The following PARD3B variants were observed in gnomAD, a reference collection of about 807,000 sequenced individuals.
PARD3B encodes the protein partitioning defective 3 homolog B.
PARD3B carries 103 observed loss-of-function variants against 130.2 expected under a neutral mutation model. That is an observed-to-expected ratio of 0.79 (90% CI 0.67 to 0.93). The LOEUF (loss-of-function observed/expected upper bound fraction) is 0.93. Ranked by LOEUF, PARD3B falls within the 40% of genes least tolerant of loss-of-function variation. The pLI is 0.00. For synonymous variants in PARD3B, 583 were observed against 553.2 expected (o/e 1.05, Z -0.76); for missense variants, 1,609 against 1,499.2 (o/e 1.07, Z -1.21).
intron 2 of PARD3B, among the ~76,000 whole-genome samples, chr2:204,800,849 T>C (rs907470432): frequency 3.9e-5 from 6 of 152,200 alleles, no homozygotes; most frequent in Non-Finnish European, 8.8e-5. Flanking sequence ...TTTTAGGTCT[T>C]ACATTTAAGT....
intron 13 of PARD3B, among the ~76,000 whole-genome samples, chr2:205,182,058 C>T (rs1321695560): frequency 1.3e-5 from 2 of 152,084 alleles, no homozygotes; most frequent in African/African-American, 4.8e-5. Flanking sequence ...TTTGGGAGGC[C>T]AAGGCAGGCA....
At chr2:204,755,780 A>G (rs968718687) in intron 2 of PARD3B, among the ~76,000 whole-genome samples, 1 of 152,128 alleles carries the variant, frequency 6.6e-6, no homozygotes, top group Non-Finnish European at 1.5e-5. Context: ...AGCTCTTACC[A>G]TCATAGAACA....
intron 18 of PARD3B, among the ~76,000 whole-genome samples, chr2:205,330,704 C>T (rs1023641702): frequency 6.6e-6 from 1 of 152,102 alleles, no homozygotes; most frequent in Non-Finnish European, 1.5e-5. Context: ...TTAAAATGAG[C>T]CTATGTGACC....
At chr2:205,247,749 G>GT (rs1310142656) in intron 16 of PARD3B, among the ~76,000 whole-genome samples, 2 of 152,194 alleles carry the variant, frequency 1.3e-5, no homozygotes, top group Non-Finnish European at 2.9e-5. Context: ...GGCCTGCAAT[G>GT]AAGAGGGCTA....
intron 15 of PARD3B, among the ~76,000 whole-genome samples, chr2:205,221,064 T>G (rs909927642): frequency 3.3e-5 from 5 of 152,140 alleles, no homozygotes; most frequent in South Asian, 2.1e-4. Context: ...GATTTTTGTT[T>G]TGGTTTGGTT....
At chr2:205,290,850 G>A (rs769289316) in intron 16 of PARD3B, among the ~76,000 whole-genome samples, 6 of 152,140 alleles carry the variant, frequency 3.9e-5, no homozygotes, top group Non-Finnish European at 5.9e-5. Flanking sequence ...TCTAAAAGAG[G>A]CCCCAGAAAG....
chr2:205,168,265 A>G (rs2125737121), intron 11 of PARD3B, among the ~76,000 whole-genome samples: 1 of 134,342 alleles, frequency 7.4e-6, no homozygotes. Flanking sequence ...GGAGTAATAG[A>G]GGAAGAAAAA....
intron 7 of PARD3B, among the ~76,000 whole-genome samples, chr2:205,120,747 AGAAATAGG>A (rs1223243586): frequency 6.6e-6 from 1 of 152,170 alleles, no homozygotes; most frequent in African/African-American, 2.4e-5. Flanking sequence ...CTGAGTTTCA[AGAAATAGG>A]GAAGAGAAAC....
chr2:205,251,172 A>G (rs762032126), intron 16 of PARD3B, among the ~76,000 whole-genome samples: 2 of 152,130 alleles, frequency 1.3e-5, no homozygotes, highest in African/African-American at 2.4e-5. Context: ...AATAGCTTTA[A>G]TTTATCTACC....
Position 204,818,442 on chromosome 2 carries a change from A to G in PARD3B, c.222+132160A>G, listed in dbSNP as rs76828877. 7.5e-3 allele frequency among the ~76,000 whole-genome samples: 1,141 copies of G among 152,300 alleles called. 13 individuals carry two copies. Among genetic ancestry groups the G allele is most frequent in the African/African-American group, 0.026 (1,079 of 41,574 alleles). On this transcript the variant is annotated intron_variant, in intron 2 of 22. Coordinates refer to ENST00000406610, the MANE Select transcript of PARD3B (RefSeq NM_001302769.2). Reference sequence around the variant, plus strand: ...AGGGGTTGTAGAATCATTGAGCTTGATAGAGATCTAGAATAAAGTACTATT... The same window carrying G: ...AGGGGTTGTAGAATCATTGAGCTTGGTAGAGATCTAGAATAAAGTACTATT...
At chr2:204,679,394 G>A (rs1016881869) in intron 1 of PARD3B, among the ~76,000 whole-genome samples, 1 of 152,124 alleles carries the variant, frequency 6.6e-6, no homozygotes, top group African/African-American at 2.4e-5. Context: ...TTTATGTTCA[G>A]TTACTGCCAG....
At chr2:204,555,301 G>A (rs925554509) in intron 1 of PARD3B, among the ~76,000 whole-genome samples, 1 of 152,150 alleles carries the variant, frequency 6.6e-6, no homozygotes, top group South Asian at 2.1e-4. Flanking sequence ...GCTCACACCT[G>A]TAATCCTAGC....
chr2:204,553,585 G>C (rs977259766), intron 1 of PARD3B, among the ~76,000 whole-genome samples: 4 of 33,568 alleles, frequency 1.2e-4, no homozygotes, highest in Admixed American at 4.0e-4. Context: ...TATATATAAG[G>C]CTATATACAT....
chr2:204,949,607 C>G (rs950296560), intron 2 of PARD3B, among the ~76,000 whole-genome samples: 8 of 152,212 alleles, frequency 5.3e-5, no homozygotes, highest in Admixed American at 2.0e-4. Flanking sequence ...CAAGCATAAG[C>G]CACAGTACTC....
intron 18 of PARD3B, among the ~76,000 whole-genome samples, chr2:205,360,820 C>T (rs1477555518): frequency 6.6e-6 from 1 of 152,166 alleles, no homozygotes; most frequent in Admixed American, 6.6e-5. Flanking sequence ...CCCAGACACA[C>T]GGAAAGCACT....
intron 2 of PARD3B, among the ~76,000 whole-genome samples, chr2:204,883,571 A>C (rs148776266): frequency 0.1 from 14,559 of 145,982 alleles, 885 homozygotes; most frequent in African/African-American, 0.18. Flanking sequence ...CCTCAGCCTC[A>C]CAAATAGCTG....
chr2:205,474,545 T>G (rs568464439), intron 20 of PARD3B, among the ~76,000 whole-genome samples: 5 of 152,320 alleles, frequency 3.3e-5, no homozygotes, highest in African/African-American at 1.2e-4. Context: ...TCTTAATTTA[T>G]GTAACCTTTC....
intron 5 of PARD3B, among the ~76,000 whole-genome samples, chr2:205,107,589 C>A (rs193098214): frequency 3.3e-5 from 5 of 152,274 alleles, no homozygotes; most frequent in African/African-American, 1.2e-4. Context: ...GACTGTGAAT[C>A]CTCCAAAGGG....
chr2:204,583,719 G>A (rs1318522658), intron 1 of PARD3B, among the ~76,000 whole-genome samples: 2 of 151,868 alleles, frequency 1.3e-5, no homozygotes, highest in South Asian at 2.1e-4. Flanking sequence ...AATCCCCTCG[G>A]GTTATTACAT....
Sources: gnomAD v4.1 joint callset for allele counts (sites outside exome capture counted in the v4.1 genomes callset) on GRCh38, gnomAD v4.1.1 for gene constraint, MANE v1.5 for transcripts, NCBI Gene and HGNC (gene_info 2026-07-23, HGNC 2026-07-21) for gene names.